SANBR: variants seen among roughly 807,000 people sequenced by gnomAD.
SANBR encodes SANT and BTB domain regulator of class switch recombination.
Under a neutral mutation model 101.8 loss-of-function variants are expected in SANBR, and 77 were observed. The ratio of observed to expected loss-of-function variants is 0.76; its 90% CI spans 0.63 to 0.91. SANBR has a LOEUF of 0.91. Among genes scored for constraint, SANBR ranks in the 40% least tolerant of loss-of-function variants. The probability of loss-of-function intolerance (pLI) is 0.00; values close to 1 mark genes in which losing one functional copy is unlikely to be tolerated. For synonymous variants in SANBR, 279 were observed against 274.7 expected (o/e 1.02, Z -0.15); for missense variants, 875 against 853.0 (o/e 1.03, Z -0.32).
chr2:61,094,647 T>TG (rs1682939040), intron 11 of SANBR, among the ~76,000 whole-genome samples: 1 of 146,104 alleles, frequency 6.8e-6, no homozygotes, highest in Admixed American at 6.8e-5. Flanking sequence ...TCTTTTTTTT[T>TG]TTTTTTTTTT....
At chr2:61,119,325 A>G (rs1684228016) in intron 20 of SANBR, among the ~76,000 whole-genome samples, 1 of 152,206 alleles carries the variant, frequency 6.6e-6, no homozygotes, top group Non-Finnish European at 1.5e-5. Context: ...CCTTAGGAAA[A>G]TATTTCTTAG....
intron 14 of SANBR, among the ~76,000 whole-genome samples, chr2:61,107,235 T>C (rs1162292925): frequency 6.6e-6 from 1 of 152,114 alleles, no homozygotes; most frequent in Non-Finnish European, 1.5e-5. Context: ...ACAAATGATT[T>C]GAGGAATGAA....
chr2:61,119,632 A>G (rs1684241838), intron 20 of SANBR, among the ~76,000 whole-genome samples: 1 of 152,172 alleles, frequency 6.6e-6, no homozygotes, highest in Non-Finnish European at 1.5e-5. Flanking sequence ...GCTAAGATAC[A>G]ACATCATTAG....
At chr2:61,103,762 A>G in intron 12 of SANBR, 91 bp from the exon 13 acceptor site, 3 of 1,188,300 alleles carry the variant, frequency 2.5e-6, no homozygotes, top group African/African-American at 3.0e-5. Flanking sequence ...GTATATGACA[A>G]TATGACTTGG....
chr2:61,067,851 C>G (rs970133823), intron 1 of SANBR, among the ~76,000 whole-genome samples: 3 of 152,212 alleles, frequency 2.0e-5, no homozygotes, highest in African/African-American at 4.8e-5. Context: ...GCTTTGTTCT[C>G]TAGAGAGAAA....
intron 20 of SANBR, among the ~76,000 whole-genome samples, 192 bp from the exon 21 acceptor site, chr2:61,120,991 CTG>C (rs913529869): frequency 6.6e-6 from 1 of 152,160 alleles, no homozygotes; most frequent in African/African-American, 2.4e-5. Flanking sequence ...AGTTATAAAA[CTG>C]TATGCATTTG....
chr2:61,086,725 G>A (rs1220355038), intron 8 of SANBR, among the ~76,000 whole-genome samples: 1 of 152,100 alleles, frequency 6.6e-6, no homozygotes, highest in Non-Finnish European at 1.5e-5. Context: ...TTAGGGATAG[G>A]TAGGCTCAAG....
intron 5 of SANBR, among the ~76,000 whole-genome samples, chr2:61,075,699 C>T (rs1681727796): frequency 1.3e-5 from 2 of 152,030 alleles, no homozygotes; most frequent in East Asian, 1.9e-4. Flanking sequence ...CTTTTAACTA[C>T]ATTTATTAAT....
Position 61,109,216 on chromosome 2 carries a change from C to T in SANBR, c.1664C>T (p.Ser555Leu). The T allele has an allele frequency of 2.6e-6, 4 of 1,515,396 alleles. No individual in the cohort carries two copies. Among genetic ancestry groups the T allele is most frequent in the African/African-American group, 1.4e-5 (1 of 72,034 alleles). 93.9% of individuals were successfully genotyped at this position (1,515,396 alleles called of 1,614,324 possible). A position where few individuals can be genotyped will look rare whatever the true frequency, so the allele number is the denominator to read the frequency against. ...TLQLKQQSLF[S>L]EEEEYTTGSE... Reference sequence around the variant, plus strand: ...ACTTAGAAACAACAGTCACTGTTTTCAGAAGAAGAAGAATATACCACTGGA... The same window carrying T: ...ACTTAGAAACAACAGTCACTGTTTTTAGAAGAAGAAGAATATACCACTGGA... Residue 555 changes from serine to leucine, a missense_variant, in exon 16 of 22, where the codon TCA becomes TTA. Transcript: ENST00000402291.
In SANBR at chr2:61,083,217, A is replaced by G; in HGVS notation, c.793A>G (p.Met265Val). ...TGCCATAGTAGCTACCCCATGCAAC[A>G]TGAACTGTATTAATGCAAATCTTCT... ...MNAIVATPCN[M>V]NCINANLLTR... The change falls in exon 8 of 22, where the codon ATG (methionine) becomes GTG (valine). Residue 265 changes from methionine (M) to valine (V), a missense_variant. Physicochemically the swap from Met to Val is conservative, Grantham distance 21. Transcript: ENST00000402291. 6.2e-7 allele frequency: 1 copy of G among 1,611,770 alleles called. No homozygotes were observed.
intron 21 of SANBR, among the ~76,000 whole-genome samples, chr2:61,136,541 A>G (rs1684854674): frequency 6.6e-6 from 1 of 151,594 alleles, no homozygotes; most frequent in South Asian, 2.1e-4. Context: ...AGGCAGGAGA[A>G]TCACTTGAAC....
intron 2 of SANBR, among the ~76,000 whole-genome samples, chr2:61,069,190 CT>C (rs781237676): frequency 6.6e-6 from 1 of 152,230 alleles, no homozygotes; most frequent in South Asian, 2.1e-4. Flanking sequence ...TTCACGACCC[CT>C]GTGCTGTGTT....
rs1042769881 is a variant in SANBR at position 61,123,530 on chromosome 2, C to A, written c.*1368C>A. 1 of 969,396 alleles carries A rather than the reference C, an allele frequency of 1.0e-6. No individual in the cohort carries two copies. The highest frequency in any genetic ancestry group is 1.2e-6 in the Non-Finnish European group (1 of 815,528). The allele number at this position is 969,396 out of a possible 1,614,324, so 60.0% of individuals were successfully genotyped here. A position where few individuals can be genotyped will look rare whatever the true frequency, so the allele number is the denominator to read the frequency against. ...TACTGTGGAAATAGACTTTTATTTT[C>A]GAAAGAAAATGTCTTGTAGTACATA... is the stretch of plus-strand genomic sequence containing the variant. On this transcript the variant is annotated 3_prime_UTR_variant, in exon 22 of 22. Coordinates refer to ENST00000402291, the MANE Select transcript of SANBR (RefSeq NM_001129993.3).
intron 13 of SANBR, among the ~76,000 whole-genome samples, chr2:61,104,209 G>A (rs539081376): frequency 5.3e-5 from 8 of 152,256 alleles, no homozygotes; most frequent in South Asian, 2.1e-4. Flanking sequence ...GTGGCTGGGC[G>A]CGGTGGCTCA....
rs191769126 is a variant in SANBR, at chr2:61,123,511, G to A, written c.*1349G>A. 107 of 971,642 alleles carry A rather than the reference G, an allele frequency of 1.1e-4. No homozygotes were observed. The highest frequency in any genetic ancestry group is 2.5e-4 in the Admixed American group (4 of 16,260). 60.2% of individuals were successfully genotyped at this position (971,642 alleles called of 1,614,324 possible). ...ATTTGTTTCAATTGTTTGATACTGT[G>A]GAAATAGACTTTTATTTTCGAAAGA... On this transcript the variant is annotated 3_prime_UTR_variant, in exon 22 of 22. Transcript: ENST00000402291.
rs367739465 is a variant in SANBR at position 61,103,904 on chromosome 2, G to A, written c.1417G>A (p.Gly473Arg). 1.1e-5 allele frequency: 17 copies of A among 1,614,018 alleles called. No individual in the cohort carries two copies. The highest frequency in any genetic ancestry group is 3.3e-4 in the Middle Eastern group (2 of 6,084). ...TACACTTCGTGATCAAGGTGAAGGC[G>A]GAGATTTGCCGTCCTGTCCCACTGC... ...MVTLRDQGEGGDLPSCPTARM... is the reference protein window; with the variant it reads ...MVTLRDQGEGRDLPSCPTARM... Residue 473 changes from glycine to arginine, a missense_variant, in exon 13 of 22, where the codon GGA (glycine) becomes AGA (arginine). Gly to Arg is a moderately radical substitution (Grantham distance 125). Transcript: ENST00000402291.
At chr2:61,076,870 C>T in intron 5 of SANBR, 50 bp from the exon 6 acceptor site, 2 of 1,334,984 alleles carry the variant, frequency 1.5e-6, no homozygotes, top group South Asian at 2.5e-5. Context: ...ATTCTTGACT[C>T]CTTTTCTAAA....
At chr2:61,082,604 A>G (rs1028547829) in intron 7 of SANBR, among the ~76,000 whole-genome samples, 1 of 152,198 alleles carries the variant, frequency 6.6e-6, no homozygotes, top group Non-Finnish European at 1.5e-5. Flanking sequence ...GCGGATCACG[A>G]GGTCAGGAGT....
At chr2:61,092,854 C>T (rs770278121) in intron 11 of SANBR, among the ~76,000 whole-genome samples, 38 of 151,326 alleles carry the variant, frequency 2.5e-4, no homozygotes. Context: ...TGAAACTAGG[C>T]CCGGTATGGT....
Sources: gnomAD v4.1 joint callset for allele counts (sites outside exome capture counted in the v4.1 genomes callset) on GRCh38, gnomAD v4.1.1 for gene constraint, MANE v1.5 for transcripts, NCBI Gene and HGNC (gene_info 2026-07-23, HGNC 2026-07-21) for gene names.